Variants in SDCCAG8 observed in about 807,000 individuals in gnomAD.
SDCCAG8 encodes the protein SHH signaling and ciliogenesis regulator SDCCAG8, also known as serologically defined colon cancer antigen 8.
Under a neutral mutation model 101.8 loss-of-function variants are expected in SDCCAG8, and 74 were observed. The ratio of observed to expected loss-of-function variants is 0.73; its 90% CI spans 0.60 to 0.88. The LOEUF is 0.88. Ranked by LOEUF, SDCCAG8 falls within the 40% of genes least tolerant of loss-of-function variation. SDCCAG8 has a pLI of 0.00. For synonymous variants in SDCCAG8, 281 were observed against 292.9 expected, an observed-to-expected ratio of 0.96 and a Z score of 0.41; for missense variants, 787 against 822.6, an observed-to-expected ratio of 0.96 and a Z score of 0.53.
intron 16 of SDCCAG8, among the ~76,000 whole-genome samples, chr1:243,431,456 G>A (rs886933542): frequency 6.6e-6 from 1 of 152,152 alleles, no homozygotes; most frequent in South Asian, 2.1e-4. Flanking sequence ...CTCTAAAGAA[G>A]CTGGTTTGGG....
intron 11 of SDCCAG8, among the ~76,000 whole-genome samples, chr1:243,341,551 T>A (rs2075383244): frequency 6.6e-6 from 1 of 152,246 alleles, no homozygotes; most frequent in Non-Finnish European, 1.5e-5. Flanking sequence ...TAGCATAAGG[T>A]TGGTGTTTAC....
chr1:243,383,542 A>G (rs963217776), intron 13 of SDCCAG8, among the ~76,000 whole-genome samples: 7 of 152,258 alleles, frequency 4.6e-5, no homozygotes, highest in African/African-American at 1.7e-4. Context: ...CTTAGTTTGA[A>G]CTTCAGAAAG....
At chr1:243,358,228 C>T (rs1332972176) in intron 12 of SDCCAG8, among the ~76,000 whole-genome samples, 1 of 151,818 alleles carries the variant, frequency 6.6e-6, no homozygotes, top group Non-Finnish European at 1.5e-5. Flanking sequence ...ATGTAAGGTA[C>T]ATTTACAATT....
intron 12 of SDCCAG8, among the ~76,000 whole-genome samples, chr1:243,354,606 A>G (rs1177280724): frequency 6.6e-6 from 1 of 152,214 alleles, no homozygotes; most frequent in Non-Finnish European, 1.5e-5. Context: ...TGTGAAAGTA[A>G]ATCTCTTCGG....
intron 12 of SDCCAG8, among the ~76,000 whole-genome samples, chr1:243,375,242 A>C (rs754087779): frequency 2.2e-4 from 33 of 152,100 alleles, no homozygotes; most frequent in Non-Finnish European, 4.6e-4. Context: ...TAAAAATGTG[A>C]AGATAAACAT....
intron 3 of SDCCAG8, among the ~76,000 whole-genome samples, chr1:243,271,925 G>C (rs956910642): frequency 6.6e-6 from 1 of 152,142 alleles, no homozygotes; most frequent in Admixed American, 6.5e-5. Context: ...AAGAAGTGGT[G>C]CTGTATTTCT....
chr1:243,387,345 G>A (rs12048498), intron 13 of SDCCAG8, among the ~76,000 whole-genome samples: 16,456 of 152,048 alleles, frequency 0.11, 1,146 homozygotes, highest in Non-Finnish European at 0.15. Context: ...TTATTATCCA[G>A]AGAATTTAGA....
At chr1:243,260,642 G>T (rs2067130297) in intron 1 of SDCCAG8, among the ~76,000 whole-genome samples, 1 of 152,144 alleles carries the variant, frequency 6.6e-6, no homozygotes, top group Non-Finnish European at 1.5e-5. Context: ...GCAGCGTTGG[G>T]AATAGATAAC....
chr1:243,300,201 T>C (rs905159472), intron 6 of SDCCAG8, among the ~76,000 whole-genome samples: 2 of 152,204 alleles, frequency 1.3e-5, no homozygotes, highest in African/African-American at 4.8e-5. Flanking sequence ...TTGCTTTTTT[T>C]TGTTGGTCTG....
intron 11 of SDCCAG8, 42 bp downstream of exon 11, chr1:243,341,215 A>T: frequency 6.2e-7 from 1 of 1,606,518 alleles, no homozygotes; most frequent in Non-Finnish European, 8.5e-7. Context: ...TTAAGGAAAT[A>T]TTTCCTTTGA....
At chr1:243,441,866 A>G (rs891956841) in intron 16 of SDCCAG8, among the ~76,000 whole-genome samples, 2 of 152,204 alleles carry the variant, frequency 1.3e-5, no homozygotes, top group African/African-American at 2.4e-5. Flanking sequence ...TGATTCTTTA[A>G]CATCATAGAA....
chr1:243,438,179 G>A (rs977157608), intron 16 of SDCCAG8, among the ~76,000 whole-genome samples: 1 of 152,176 alleles, frequency 6.6e-6, no homozygotes, highest in Admixed American at 6.5e-5. Context: ...CCGGGGGGAG[G>A]AAGGCTGTGG....
At chr1:243,288,881 C>T (rs948502701) in intron 5 of SDCCAG8, among the ~76,000 whole-genome samples, 2 of 151,730 alleles carry the variant, frequency 1.3e-5, no homozygotes, top group African/African-American at 2.4e-5. Flanking sequence ...GTGGTGGGCA[C>T]CTGTAGTCCC....
chr1:243,272,661 A>G (rs2068190216), intron 3 of SDCCAG8, among the ~76,000 whole-genome samples: 1 of 152,224 alleles, frequency 6.6e-6, no homozygotes, highest in African/African-American at 2.4e-5. Context: ...TAAGAGAATC[A>G]GTTTAGTACA....
At chr1:243,397,018 G>A (rs932247075) in intron 13 of SDCCAG8, among the ~76,000 whole-genome samples, 1 of 152,206 alleles carries the variant, frequency 6.6e-6, no homozygotes, top group Non-Finnish European at 1.5e-5. Context: ...GAAAGGTTGC[G>A]AGTGCCAGAA....
chr1:243,274,665 CT>C lies in SDCCAG8; in HGVS notation c.420+10del, dbSNP rs1485139825. The C allele has an allele frequency of 6.8e-7, 1 of 1,463,034 alleles. No homozygotes were observed. The highest frequency in any genetic ancestry group is 1.7e-5 in the Admixed American group (1 of 59,686). The allele number at this position is 1,463,034 out of a possible 1,614,324, so 90.6% of individuals were successfully genotyped here. ...AAGTTAAGTTCTGCAAGGTAAGTTT[CT>C]CATTAAGAATTTAAAACTAAATAAA... is the stretch of plus-strand genomic sequence containing the variant. On this transcript the variant is annotated intron_variant, in intron 4 of 17. Coordinates refer to ENST00000366541, the MANE Select transcript of SDCCAG8 (RefSeq NM_006642.5).
chr1:243,297,517 C>T (rs975071940), intron 6 of SDCCAG8, among the ~76,000 whole-genome samples: 1 of 151,692 alleles, frequency 6.6e-6, no homozygotes, highest in Non-Finnish European at 1.5e-5. Context: ...GGGGTTTTAT[C>T]AGTTTACACT....
intron 16 of SDCCAG8, among the ~76,000 whole-genome samples, chr1:243,483,178 C>T (rs1318738402): frequency 6.6e-6 from 1 of 152,086 alleles, no homozygotes; most frequent in African/African-American, 2.4e-5. Flanking sequence ...GTGGAGGGCA[C>T]GGGGCGGCGG....
chr1:243,296,535 CTTTTTTTTTTTT>C (rs756242066), intron 6 of SDCCAG8, among the ~76,000 whole-genome samples: 24 of 57,950 alleles, frequency 4.1e-4, no homozygotes, highest in African/African-American at 1.4e-3. Context: ...CCCAACTGCT[CTTTTTTTTTTTT>C]TTTTTTTTTT....
Sources: allele counts gnomAD v4.1 joint callset (sites outside exome capture counted in the v4.1 genomes callset), GRCh38; gene constraint gnomAD v4.1.1; transcripts MANE v1.5; gene names NCBI Gene and HGNC (gene_info 2026-07-23, HGNC 2026-07-21).